AGBL1: variants seen among roughly 807,000 people sequenced by gnomAD.
AGBL1 encodes the protein AGBL carboxypeptidase 1, also known as cytosolic carboxypeptidase 4.
A neutral mutation model predicts 118.9 loss-of-function variants in AGBL1; 130 were observed. The observed-to-expected ratio is 1.09, with a 90% CI of 0.95 to 1.26. AGBL1 has a LOEUF of 1.26. Among genes scored for constraint, AGBL1 ranks in the 50% most tolerant of loss-of-function variants. The pLI is 0.00. For missense variants in AGBL1, 1,584 were observed against 1,298.1 expected, an observed-to-expected ratio of 1.22 and a Z score of -3.38; for synonymous variants, 555 against 478.9, an observed-to-expected ratio of 1.16 and a Z score of -2.08.
intron 16 of AGBL1, among the ~76,000 whole-genome samples, chr15:86,286,842 T>C (rs2079462649): frequency 6.6e-6 from 1 of 151,536 alleles, no homozygotes; most frequent in South Asian, 2.1e-4. Context: ...GATATCTCTT[T>C]GATGTACTGA....
At chr15:87,004,245 G>T (rs568037773) in intron 24 of AGBL1, among the ~76,000 whole-genome samples, 5 of 152,136 alleles carry the variant, frequency 3.3e-5, no homozygotes, top group Non-Finnish European at 5.9e-5. Flanking sequence ...TTCAGGAGCA[G>T]GTTGTTCAGT....
rs1596313559 is a variant in AGBL1, at chr15:86,619,427, G to A, written c.2995-54846G>A. Among the ~76,000 whole-genome samples, 10 of 152,304 alleles carry A rather than the reference G, an allele frequency of 6.6e-5. No individual in the cohort carries two copies. The South Asian group carries it at 2.1e-3, about 32-fold the overall frequency. ...GTCCTAAAACAAAATGAAAAGTTCAGTGGGAAATGATAAAGTTCAGATTTC... is the reference window on the plus strand; with the variant it reads ...GTCCTAAAACAAAATGAAAAGTTCAATGGGAAATGATAAAGTTCAGATTTC... On this transcript the variant is annotated intron_variant, in intron 21 of 22. Transcript: ENST00000614907.
chr15:86,987,306 A>C (rs566075245), intron 23 of AGBL1, among the ~76,000 whole-genome samples: 15 of 152,234 alleles, frequency 9.9e-5, no homozygotes, highest in Admixed American at 7.9e-4. Context: ...TACAATTGCT[A>C]TTGCTAGTAC....
At chr15:86,411,396 T>C (rs1596081605) in intron 18 of AGBL1, among the ~76,000 whole-genome samples, 1 of 152,242 alleles carries the variant, frequency 6.6e-6, no homozygotes, top group East Asian at 1.9e-4. Flanking sequence ...CCCGAGAGCC[T>C]TCTGCTCTCT....
At chr15:86,080,878 C>T (rs778854315) in intron 1 of AGBL1, among the ~76,000 whole-genome samples, 25 of 152,008 alleles carry the variant, frequency 1.6e-4, no homozygotes, top group Non-Finnish European at 1.2e-4. Context: ...GGGTCTTCTA[C>T]CCCAGGAGTT....
At chr15:86,620,160 A>T (rs901185993) in intron 21 of AGBL1, among the ~76,000 whole-genome samples, 3 of 152,164 alleles carry the variant, frequency 2.0e-5, no homozygotes, top group Admixed American at 1.3e-4. Context: ...TACGATTCCC[A>T]TAAGTAGAAG....
chr15:86,131,649 G>A (rs779406737), intron 1 of AGBL1, among the ~76,000 whole-genome samples: 4 of 152,052 alleles, frequency 2.6e-5, no homozygotes, highest in Non-Finnish European at 5.9e-5. Context: ...ACACCGAATG[G>A]TAATAATCAT....
chr15:86,647,726 A>T (rs993403304), intron 21 of AGBL1, among the ~76,000 whole-genome samples: 1 of 152,182 alleles, frequency 6.6e-6, no homozygotes, highest in Non-Finnish European at 1.5e-5. Context: ...AATATGTTAA[A>T]TTTCCAATAT....
At chr15:86,970,414 A>T (rs973601375) in intron 23 of AGBL1, among the ~76,000 whole-genome samples, 1 of 151,964 alleles carries the variant, frequency 6.6e-6, no homozygotes, top group African/African-American at 2.4e-5. Context: ...CATTAAAGAT[A>T]TGATTCCATT....
chr15:86,748,908 T>C (rs1013669846), intron 22 of AGBL1, among the ~76,000 whole-genome samples: 1 of 152,154 alleles, frequency 6.6e-6, no homozygotes, highest in Non-Finnish European at 1.5e-5. Flanking sequence ...TTTTGGTTAC[T>C]GTAGCCTTGT....
At chr15:86,376,472 A>G (rs1431234) in intron 17 of AGBL1, among the ~76,000 whole-genome samples, 87,351 of 152,118 alleles carry the variant, frequency 0.57, 26,868 homozygotes, top group African/African-American at 0.78. Flanking sequence ...TCCAGGAGGA[A>G]TTGAAATGCA....
At chr15:86,590,057 G>C (rs565350618) in intron 21 of AGBL1, among the ~76,000 whole-genome samples, 1 of 152,316 alleles carries the variant, frequency 6.6e-6, no homozygotes, top group East Asian at 1.9e-4. Flanking sequence ...GTTTATTACT[G>C]TGTGCACAGG....
intron 22 of AGBL1, among the ~76,000 whole-genome samples, chr15:86,706,039 A>C (rs1358220146): frequency 6.6e-6 from 1 of 152,104 alleles, no homozygotes; most frequent in Non-Finnish European, 1.5e-5. Context: ...TGAGATCTAT[A>C]AGGTAAGGTT....
At chr15:86,831,488 G>A (rs2079102823) in intron 22 of AGBL1, among the ~76,000 whole-genome samples, 1 of 152,160 alleles carries the variant, frequency 6.6e-6, no homozygotes, top group East Asian at 1.9e-4. Flanking sequence ...CACCCAAATG[G>A]GAGAAATTGG....
chr15:86,803,005 A>G (rs1596495574), intron 22 of AGBL1, among the ~76,000 whole-genome samples: 1 of 152,194 alleles, frequency 6.6e-6, no homozygotes, highest in South Asian at 2.1e-4. Context: ...TCCAAAAATC[A>G]GAGAAATTTT....
At chr15:86,813,236 T>C (rs577212234) in intron 22 of AGBL1, among the ~76,000 whole-genome samples, 1 of 151,890 alleles carries the variant, frequency 6.6e-6, no homozygotes, top group Admixed American at 6.6e-5. Context: ...AGGGAGAGGT[T>C]AGTAGGGGTC....
intron 22 of AGBL1, among the ~76,000 whole-genome samples, chr15:86,701,614 T>C (rs1051419647): frequency 1.3e-5 from 2 of 151,894 alleles, no homozygotes; most frequent in African/African-American, 4.8e-5. Context: ...CCAGATAGAA[T>C]GGTAAAACAT....
intron 21 of AGBL1, among the ~76,000 whole-genome samples, chr15:86,583,805 C>T (rs534553026): frequency 6.6e-6 from 1 of 152,248 alleles, no homozygotes; most frequent in Admixed American, 6.5e-5. Context: ...ACATTCCCAC[C>T]AACAGTGTAT....
intron 17 of AGBL1, among the ~76,000 whole-genome samples, chr15:86,364,052 C>T (rs1170336214): frequency 6.6e-6 from 1 of 152,182 alleles, no homozygotes; most frequent in Non-Finnish European, 1.5e-5. Context: ...ATTATCTCTC[C>T]TCTGACCCCT....
Sources: allele counts gnomAD v4.1 joint callset (sites outside exome capture counted in the v4.1 genomes callset), GRCh38; gene constraint gnomAD v4.1.1; transcripts MANE v1.5; gene names NCBI Gene and HGNC (gene_info 2026-07-23, HGNC 2026-07-21).